The following CDH12 variants were observed in gnomAD, a reference collection of about 807,000 sequenced individuals.
CDH12 encodes cadherin 12.
CDH12 carries 41 observed loss-of-function variants against 74.1 expected under a neutral mutation model. The observed-to-expected ratio is 0.55, with a 90% confidence interval of 0.43 to 0.72. The LOEUF is 0.72. CDH12 is among the 30% of genes least tolerant of loss of function. The pLI is 0.00. For synonymous variants in CDH12, 399 were observed against 355.0 expected (o/e 1.12, Z -1.39); for missense variants, 945 against 977.2 (o/e 0.97, Z 0.44).
chr5:21,939,942 C>T (rs548431206), intron 6 of CDH12, among the ~76,000 whole-genome samples: 90 of 152,126 alleles, frequency 5.9e-4, no homozygotes, highest in Admixed American at 1.7e-3. Context: ...TTACAGAGGT[C>T]GGGCACAGTG....
chr5:21,968,149 G>A (rs1286153386), intron 6 of CDH12, among the ~76,000 whole-genome samples: 1 of 152,192 alleles, frequency 6.6e-6, no homozygotes, highest in Non-Finnish European at 1.5e-5. Context: ...AAGATAATAA[G>A]CTGGAACCTT....
intron 6 of CDH12, among the ~76,000 whole-genome samples, chr5:21,958,889 G>A (rs887904325): frequency 6.6e-6 from 1 of 152,104 alleles, no homozygotes; most frequent in African/African-American, 2.4e-5. Flanking sequence ...GTGCAGTATG[G>A]CCTTTTAATG....
At chr5:22,209,189 C>G (rs1378842930) in intron 4 of CDH12, among the ~76,000 whole-genome samples, 2 of 152,214 alleles carry the variant, frequency 1.3e-5, no homozygotes, top group Admixed American at 6.5e-5. Flanking sequence ...TTTTCCAGGT[C>G]ACCTCTAATC....
chr5:21,756,287 C>T (rs1744392504), intron 13 of CDH12, among the ~76,000 whole-genome samples: 1 of 151,886 alleles, frequency 6.6e-6, no homozygotes, highest in South Asian at 2.1e-4. Context: ...TTTCTATCTA[C>T]ATGTTGTATA....
At chr5:22,368,506 G>A (rs911978066) in intron 3 of CDH12, among the ~76,000 whole-genome samples, 1 of 140,300 alleles carries the variant, frequency 7.1e-6, no homozygotes, top group East Asian at 2.1e-4. Context: ...GTTTCACCAT[G>A]TTTCTCAGGC....
chr5:22,425,172 A>AAAT lies in CDH12; in HGVS notation c.-427-19822_-427-19821insATT, dbSNP rs1743866934. 6.0e-3 allele frequency among the ~76,000 whole-genome samples: 504 copies of AAAT among 83,468 alleles called. 6 individuals carry two copies. Among genetic ancestry groups the AAAT allele is most frequent in the African/African-American group, 0.021 (481 of 22,752 alleles). The allele number at this position is 83,468 out of a possible 152,430, so 54.8% of individuals were successfully genotyped here. A position where few individuals can be genotyped will look rare whatever the true frequency, so the allele number is the denominator to read the frequency against. On this transcript the variant is annotated intron_variant, in intron 2 of 14. Coordinates refer to ENST00000382254, the MANE Select transcript of CDH12 (RefSeq NM_004061.5). ...GTGTGTGTATATATATATATATATA[A>AAAT]ATATATATATATATATACTTCTTTC...
intron 2 of CDH12, among the ~76,000 whole-genome samples, chr5:22,407,075 C>G (rs1742969906): frequency 6.6e-6 from 1 of 151,836 alleles, no homozygotes; most frequent in South Asian, 2.1e-4. Flanking sequence ...TAGTGTTTGT[C>G]ACTAGAAAAA....
At chr5:21,830,649 G>A (rs576427154) in intron 8 of CDH12, among the ~76,000 whole-genome samples, 5 of 152,124 alleles carry the variant, frequency 3.3e-5, no homozygotes, top group African/African-American at 9.6e-5. Context: ...GTTTAGTCAG[G>A]CCCCAGTGAG....
At chr5:22,120,493 A>G (rs960178343) in intron 4 of CDH12, among the ~76,000 whole-genome samples, 15 of 152,156 alleles carry the variant, frequency 9.9e-5, no homozygotes, top group African/African-American at 3.6e-4. Context: ...TAATAAAATG[A>G]TATGTTGACA....
At chr5:21,754,557 T>C (rs148484249) in intron 14 of CDH12, among the ~76,000 whole-genome samples, 96 of 152,294 alleles carry the variant, frequency 6.3e-4, no homozygotes, top group African/African-American at 2.1e-3. Context: ...ACCATGCCAA[T>C]TGGACTAGAA....
intron 1 of CDH12, among the ~76,000 whole-genome samples, chr5:22,558,630 C>CA: frequency 6.6e-6 from 1 of 151,246 alleles, no homozygotes; most frequent in Non-Finnish European, 1.5e-5. Context: ...AAAATACCCA[C>CA]AAAAATAAAC....
chr5:22,421,123 C>T (rs192811515), intron 2 of CDH12, among the ~76,000 whole-genome samples: 19 of 152,250 alleles, frequency 1.2e-4, no homozygotes, highest in Admixed American at 5.9e-4. Context: ...GATATAGGAT[C>T]ATGTAATCTG....
chr5:22,045,597 TC>T (rs1739889613), intron 5 of CDH12, among the ~76,000 whole-genome samples: 1 of 125,530 alleles, frequency 8.0e-6, no homozygotes, highest in Non-Finnish European at 1.6e-5. Context: ...GGTACACTAT[TC>T]AGCCAAAAAA....
intron 5 of CDH12, among the ~76,000 whole-genome samples, chr5:22,076,111 G>C (rs1012988978): frequency 6.6e-6 from 1 of 152,052 alleles, no homozygotes; most frequent in South Asian, 2.1e-4. Flanking sequence ...TACATTGCTT[G>C]AGAACCATGA....
chr5:22,717,916 A>C (rs1231887228), intron 1 of CDH12, among the ~76,000 whole-genome samples: 1 of 151,414 alleles, frequency 6.6e-6, no homozygotes, highest in Non-Finnish European at 1.5e-5. Flanking sequence ...ATCCACAAAG[A>C]AAAAAAAAGC....
At chr5:22,846,575 G>A (rs1257343947) in intron 1 of CDH12, among the ~76,000 whole-genome samples, 5 of 152,084 alleles carry the variant, frequency 3.3e-5, no homozygotes, top group Non-Finnish European at 7.4e-5. Context: ...AAGATTTAAT[G>A]TGAAAAAAAT....
intron 2 of CDH12, among the ~76,000 whole-genome samples, chr5:22,455,197 G>A (rs1295669766): frequency 2.0e-5 from 3 of 152,138 alleles, no homozygotes; most frequent in South Asian, 2.1e-4. Context: ...TAGTAATATC[G>A]TCATTGCTGT....
chr5:22,690,578 G>T (rs193134185), intron 1 of CDH12, among the ~76,000 whole-genome samples: 3 of 152,198 alleles, frequency 2.0e-5, no homozygotes, highest in East Asian at 3.9e-4. Context: ...AGAGAAGGAG[G>T]ATATAACATA....
intron 5 of CDH12, among the ~76,000 whole-genome samples, chr5:22,041,740 T>G (rs1445945580): frequency 6.6e-6 from 1 of 152,114 alleles, no homozygotes; most frequent in Non-Finnish European, 1.5e-5. Context: ...CTTTTAGCAG[T>G]GGTCAGAACA....
Sources: gnomAD v4.1 joint callset for allele counts (sites outside exome capture counted in the v4.1 genomes callset) on GRCh38, gnomAD v4.1.1 for gene constraint, MANE v1.5 for transcripts, NCBI Gene and HGNC (gene_info 2026-07-23, HGNC 2026-07-21) for gene names.